PCSK2: variants seen among roughly 807,000 people sequenced by gnomAD.
PCSK2 encodes proprotein convertase subtilisin/kexin type 2, also known as neuroendocrine convertase 2.
Under a neutral mutation model 69.7 loss-of-function variants are expected in PCSK2, and 14 were observed. That is an observed-to-expected ratio of 0.20 (90% CI 0.13 to 0.31). The LOEUF is 0.31. PCSK2 is among the 10% of genes least tolerant of loss of function. PCSK2 has a pLI of 1.00. For synonymous variants in PCSK2, 307 were observed against 320.7 expected (o/e 0.96, Z 0.46); for missense variants, 544 against 842.5 (o/e 0.65, Z 4.39).
In PCSK2 at chr20:17,340,210, A is replaced by T. The variant is rs377510185; in HGVS notation, c.283-18117A>T. On this transcript the variant is annotated intron_variant, in intron 2 of 11. Coordinates refer to ENST00000262545, the MANE Select transcript of PCSK2 (RefSeq NM_002594.5). ...GGAAGAGTCATGCAGGTCCCCATGA[A>T]AAGATATCTGACTTGAGATCACTCC... Among the ~76,000 whole-genome samples the T allele has an allele frequency of 2.0e-3, 305 of 152,320 alleles. 5 individuals carry two copies. In the South Asian group the frequency reaches 0.062, roughly 31 times the overall value.
At chr20:17,261,194 G>A (rs748163403) in intron 2 of PCSK2, among the ~76,000 whole-genome samples, 19 of 152,180 alleles carry the variant, frequency 1.2e-4, no homozygotes, top group Non-Finnish European at 2.2e-4. Flanking sequence ...AGGAAAGTAT[G>A]TAATAACTCA....
chr20:17,366,755 G>T (rs2030605029), intron 4 of PCSK2, among the ~76,000 whole-genome samples: 1 of 152,178 alleles, frequency 6.6e-6, no homozygotes, highest in African/African-American at 2.4e-5. Flanking sequence ...GTCGGTATCT[G>T]TTCTAACTTA....
intron 11 of PCSK2, among the ~76,000 whole-genome samples, chr20:17,478,419 C>T (rs1312956156): frequency 6.6e-6 from 1 of 152,154 alleles, no homozygotes; most frequent in East Asian, 1.9e-4. Context: ...TACTGTTCAT[C>T]ATATACTGCA....
At chr20:17,276,033 G>T (rs1988061136) in intron 2 of PCSK2, among the ~76,000 whole-genome samples, 1 of 152,114 alleles carries the variant, frequency 6.6e-6, no homozygotes, top group African/African-American at 2.4e-5. Context: ...TTCAAAAGAT[G>T]ACAGCCATGA....
intron 8 of PCSK2, among the ~76,000 whole-genome samples, chr20:17,449,982 A>C (rs1380188536): frequency 2.2e-5 from 2 of 92,406 alleles, no homozygotes; most frequent in African/African-American, 8.4e-5. Context: ...GCACTTCCTT[A>C]GCTTTTTTTT....
chr20:17,340,753 C>A (rs1447621680), intron 2 of PCSK2, among the ~76,000 whole-genome samples: 1 of 152,148 alleles, frequency 6.6e-6, no homozygotes, highest in Non-Finnish European at 1.5e-5. Flanking sequence ...TGTTCCCCTC[C>A]CCTGTTCCTT....
intron 6 of PCSK2, among the ~76,000 whole-genome samples, chr20:17,416,843 T>TA: frequency 6.6e-6 from 1 of 152,144 alleles, no homozygotes; most frequent in South Asian, 2.1e-4. Context: ...TGTGCAGCCA[T>TA]AAAAAAGGAT....
chr20:17,457,484 A>G (rs2032942540), intron 10 of PCSK2, among the ~76,000 whole-genome samples: 1 of 152,224 alleles, frequency 6.6e-6, no homozygotes, highest in Non-Finnish European at 1.5e-5. Context: ...CCCTTTACAG[A>G]TAAGACCCCA....
chr20:17,337,479 C>T (rs947553183), intron 2 of PCSK2, among the ~76,000 whole-genome samples: 2 of 152,198 alleles, frequency 1.3e-5, no homozygotes, highest in African/African-American at 2.4e-5. Flanking sequence ...ATTTAACCCT[C>T]AGCTGTAGAT....
chr20:17,346,219 C>A (rs1426958570), intron 2 of PCSK2, among the ~76,000 whole-genome samples: 1 of 152,212 alleles, frequency 6.6e-6, no homozygotes, highest in African/African-American at 2.4e-5. Context: ...CTGGGTGGTG[C>A]TGGAGCCATT....
At chr20:17,464,320 A>G (rs1326088430) in intron 10 of PCSK2, 1 of 152,252 alleles carries the variant, frequency 6.6e-6, no homozygotes, top group African/African-American at 2.4e-5. Context: ...AACATAGACA[A>G]TGTGTAGTAA....
intron 10 of PCSK2, chr20:17,464,066 T>A (rs1273753537): frequency 6.6e-6 from 1 of 152,214 alleles, no homozygotes; most frequent in African/African-American, 2.4e-5. Flanking sequence ...ATTCATTTTT[T>A]AAAATAATAA....
chr20:17,432,858 G>A (rs892324279), intron 7 of PCSK2, among the ~76,000 whole-genome samples: 1 of 152,226 alleles, frequency 6.6e-6, no homozygotes, highest in Non-Finnish European at 1.5e-5. Context: ...CTGGCGGACA[G>A]GTCCCCTGCC....
rs779688995 is a variant in PCSK2 at position 17,358,341 on chromosome 20, G to C, written c.297G>C (p.Leu99Phe). 1.2e-6 allele frequency: 2 copies of C among 1,602,906 alleles called. No homozygotes were observed. The highest frequency in any genetic ancestry group is 3.3e-5 in the Admixed American group (2 of 60,002). ...LERDPRVKMA[L>F]QQEGFDRKKR... ...TGTCATTCCAGGTAAAGATGGCTTT[G>C]CAGCAGGAAGGATTTGACCGAAAAA... The change falls in exon 3 of 12, where the codon TTG (leucine) becomes TTC (phenylalanine). Residue 99 changes from leucine (L) to phenylalanine (F), a missense_variant. Physicochemically the swap from Leu to Phe is conservative, Grantham distance 22. Transcript: ENST00000262545.
intron 11 of PCSK2, among the ~76,000 whole-genome samples, chr20:17,466,662 A>G (rs907880640): frequency 6.6e-6 from 1 of 152,210 alleles, no homozygotes; most frequent in South Asian, 2.1e-4. Context: ...TTTTATTATT[A>G]TCACTGAGGT....
intron 4 of PCSK2, among the ~76,000 whole-genome samples, chr20:17,363,776 G>T (rs572154822): frequency 1.3e-5 from 2 of 152,352 alleles, no homozygotes; most frequent in South Asian, 4.1e-4. Flanking sequence ...AACATTTATT[G>T]AGTAATCACT....
At chr20:17,367,515 T>C (rs927351453) in intron 4 of PCSK2, among the ~76,000 whole-genome samples, 1 of 152,236 alleles carries the variant, frequency 6.6e-6, no homozygotes, top group Non-Finnish European at 1.5e-5. Context: ...ATCCACTGAT[T>C]TCAAAGCCTA....
intron 2 of PCSK2, among the ~76,000 whole-genome samples, chr20:17,261,637 T>C (rs1474270595): frequency 6.6e-6 from 1 of 152,222 alleles, no homozygotes; most frequent in Admixed American, 6.5e-5. Context: ...AGAAGCTCTC[T>C]ATTCTATGTG....
At chr20:17,308,201 G>C (rs1989388649) in intron 2 of PCSK2, among the ~76,000 whole-genome samples, 1 of 152,206 alleles carries the variant, frequency 6.6e-6, no homozygotes, top group Non-Finnish European at 1.5e-5. Context: ...CAAGGAGATG[G>C]TGCTAAACTG....
Sources: allele counts gnomAD v4.1 joint callset (sites outside exome capture counted in the v4.1 genomes callset), GRCh38; gene constraint gnomAD v4.1.1; transcripts MANE v1.5; gene names NCBI Gene and HGNC (gene_info 2026-07-23, HGNC 2026-07-21).